The following PREX2 variants were observed in gnomAD, a reference collection of about 807,000 sequenced individuals.
PREX2 encodes phosphatidylinositol 3,4,5-trisphosphate-dependent Rac exchanger 2 protein.
In PREX2, 107 loss-of-function variants were observed where a neutral mutation model predicts 203.2. The observed-to-expected ratio is 0.53, with a 90% CI of 0.45 to 0.62. The LOEUF (loss-of-function observed/expected upper bound fraction) is 0.62, where lower values mean the gene tolerates loss of function less well. PREX2 is among the 20% of genes least tolerant of loss of function. PREX2 has a pLI of 0.00. For missense variants in PREX2, 1,777 were observed against 1,955.9 expected (o/e 0.91, Z 1.72); for synonymous variants, 672 against 663.6 (o/e 1.01, Z -0.19).
intron 25 of PREX2, among the ~76,000 whole-genome samples, chr8:68,115,021 CTTTTTTTTTTT>C (rs5892137): frequency 4.6e-5 from 4 of 86,866 alleles, no homozygotes; most frequent in African/African-American, 2.2e-4. Flanking sequence ...TCTTTTCTTT[CTTTTTTTTTTT>C]TTTTTTTTTT....
intron 37 of PREX2, among the ~76,000 whole-genome samples, chr8:68,195,050 C>G (rs1296480927): frequency 6.6e-6 from 1 of 152,152 alleles, no homozygotes; most frequent in Non-Finnish European, 1.5e-5. Context: ...GTCCTTCAGA[C>G]TTTGAAACTA....
intron 11 of PREX2, among the ~76,000 whole-genome samples, chr8:68,063,658 A>G (rs968701323): frequency 1.7e-4 from 26 of 152,166 alleles, no homozygotes; most frequent in Non-Finnish European, 1.0e-4. Flanking sequence ...TCCTGCAAAA[A>G]TGACTTATCC....
At chr8:68,110,670 T>C (rs1006470212) in intron 25 of PREX2, among the ~76,000 whole-genome samples, 1 of 152,214 alleles carries the variant, frequency 6.6e-6, no homozygotes, top group Non-Finnish European at 1.5e-5. Context: ...ACAAAATATT[T>C]AGAACTTATT....
intron 37 of PREX2, among the ~76,000 whole-genome samples, chr8:68,199,699 A>G (rs1812465859): frequency 6.6e-6 from 1 of 152,248 alleles, no homozygotes; most frequent in Admixed American, 6.5e-5. Flanking sequence ...AATCTTATTC[A>G]GGTAACTACC....
chr8:67,966,633 A>G (rs936213305), intron 1 of PREX2, among the ~76,000 whole-genome samples: 5 of 152,122 alleles, frequency 3.3e-5, no homozygotes, highest in Admixed American at 2.6e-4. Context: ...AACAACAACA[A>G]CAAAAAGAAA....
At position 68,099,791 on chromosome 8, in the gene PREX2, T is replaced by C; in HGVS notation, c.2663T>C (p.Leu888Pro). 6.2e-7 allele frequency: 1 copy of C among 1,612,590 alleles called. No homozygotes were observed. Among genetic ancestry groups the C allele is most frequent in the Non-Finnish European group, 8.5e-7 (1 of 1,178,684 alleles). Residue 888 changes from leucine to proline, a missense_variant, in exon 23 of 40, where the codon CTT becomes CCT. Coordinates refer to ENST00000288368, the MANE Select transcript of PREX2 (RefSeq NM_024870.4). ...PTDLQSKFSA[L>P]CSERIEHLCQ... ...GACCTTCAGAGTAAATTCAGTGCCC[T>C]TTGCAGTGAAAGAATTGAACACCTA...
At chr8:68,120,702 A>C (rs888047176) in intron 29 of PREX2, among the ~76,000 whole-genome samples, 1 of 152,180 alleles carries the variant, frequency 6.6e-6, no homozygotes, top group African/African-American at 2.4e-5. Flanking sequence ...TAATGAAAGT[A>C]GAGTTTTCAT....
chr8:68,090,763 A>G lies in PREX2; in HGVS notation c.2250+48A>G, dbSNP rs1012738264. The G allele has an allele frequency of 2.0e-6, 3 of 1,536,076 alleles. No individual in the cohort carries two copies. The African/African-American group carries it at 4.9e-5, about 25-fold the overall frequency. ...TGGATCTGAGTGACTACTTGCATAA[A>G]GACCTAAGGGGTTGAGGTGGGATAG... is the stretch of plus-strand genomic sequence containing the variant. On this transcript the variant is annotated intron_variant, in intron 20 of 39. Transcript: ENST00000288368.
At chr8:68,092,596 C>T (rs995818332) in intron 20 of PREX2, among the ~76,000 whole-genome samples, 7 of 151,958 alleles carry the variant, frequency 4.6e-5, no homozygotes, top group African/African-American at 1.7e-4. Context: ...GGAAATCGCC[C>T]TTAAAAATAG....
chr8:68,117,433 A>T (rs1810680240), intron 26 of PREX2, among the ~76,000 whole-genome samples: 1 of 152,228 alleles, frequency 6.6e-6, no homozygotes, highest in African/African-American at 2.4e-5. Flanking sequence ...AGACAGATTA[A>T]CCACTTTTAT....
intron 33 of PREX2, among the ~76,000 whole-genome samples, chr8:68,142,319 G>A (rs1315622119): frequency 6.6e-6 from 1 of 151,922 alleles, no homozygotes; most frequent in African/African-American, 2.4e-5. Flanking sequence ...CCAACCCCTG[G>A]CATCCACTGA....
chr8:67,981,286 G>A (rs904514907), intron 1 of PREX2, among the ~76,000 whole-genome samples: 4 of 152,180 alleles, frequency 2.6e-5, no homozygotes, highest in African/African-American at 9.7e-5. Flanking sequence ...TCTGTCAAGG[G>A]ATTGCAATTT....
chr8:67,991,981 T>C (rs1336902847), intron 1 of PREX2, among the ~76,000 whole-genome samples: 1 of 152,246 alleles, frequency 6.6e-6, no homozygotes, highest in Non-Finnish European at 1.5e-5. Flanking sequence ...TTCACTGTTT[T>C]TCATCCTTGT....
At chr8:68,177,458 A>G (rs1028591594) in intron 35 of PREX2, among the ~76,000 whole-genome samples, 4 of 152,126 alleles carry the variant, frequency 2.6e-5, no homozygotes, top group African/African-American at 9.7e-5. Context: ...CCAACTACTC[A>G]GGTAGGTGAG....
intron 18 of PREX2, among the ~76,000 whole-genome samples, chr8:68,085,194 A>G (rs549153232): frequency 1.3e-5 from 2 of 152,344 alleles, no homozygotes; most frequent in African/African-American, 4.8e-5. Context: ...AGGTTTGTAA[A>G]GAACTTAGTG....
chr8:68,172,088 A>G (rs1811888077), intron 35 of PREX2, among the ~76,000 whole-genome samples: 2 of 152,180 alleles, frequency 1.3e-5, no homozygotes, highest in Non-Finnish European at 2.9e-5. Flanking sequence ...TCAAATGTGT[A>G]TATTCATATT....
At chr8:68,052,159 C>T (rs759076286) in intron 8 of PREX2, among the ~76,000 whole-genome samples, 6 of 152,154 alleles carry the variant, frequency 3.9e-5, no homozygotes, top group Admixed American at 1.3e-4. Context: ...TTTCTTGTGG[C>T]TTACCTCCTC....
chr8:67,967,602 C>T (rs934740883), intron 1 of PREX2, among the ~76,000 whole-genome samples: 7 of 152,130 alleles, frequency 4.6e-5, no homozygotes, highest in Admixed American at 2.0e-4. Flanking sequence ...CCTTTAGCAG[C>T]GAGGGGATGG....
intron 22 of PREX2, among the ~76,000 whole-genome samples, chr8:68,098,368 A>G (rs924676934): frequency 1.3e-5 from 2 of 152,330 alleles, no homozygotes; most frequent in Non-Finnish European, 2.9e-5. Context: ...AGACATCTAA[A>G]TGAACTATTT....
Sources: gnomAD v4.1 joint callset for allele counts (sites outside exome capture counted in the v4.1 genomes callset) on GRCh38, gnomAD v4.1.1 for gene constraint, MANE v1.5 for transcripts, NCBI Gene and HGNC (gene_info 2026-07-23, HGNC 2026-07-21) for gene names.